Variants in RANBP9 observed in about 807,000 individuals in gnomAD.
RANBP9 encodes the protein RAN binding protein 9, also known as ran-binding protein 9.
In RANBP9, 15 loss-of-function variants were observed where a neutral mutation model predicts 84.3. The observed-to-expected ratio is 0.18, with a 90% CI of 0.12 to 0.27. RANBP9 has a LOEUF of 0.27. Among genes scored for constraint, RANBP9 ranks in the 10% least tolerant of loss-of-function variants. The pLI, the probability that RANBP9 is intolerant of heterozygous loss-of-function variation, is 1.00. For synonymous variants in RANBP9, 392 were observed against 349.6 expected (o/e 1.12, Z -1.35); for missense variants, 809 against 912.8 (o/e 0.89, Z 1.46).
chr6:13,669,890 G>C (rs776245471), intron 2 of RANBP9, among the ~76,000 whole-genome samples: 8 of 152,030 alleles, frequency 5.3e-5, no homozygotes, highest in Non-Finnish European at 1.2e-4. Context: ...CACAGCATCT[G>C]GTAGATGAAT....
In RANBP9 at chr6:13,711,382, T is replaced by C; in HGVS notation, c.124A>G (p.Ser42Gly). 1 of 1,169,888 alleles carries C rather than the reference T, an allele frequency of 8.5e-7. No individual in the cohort carries two copies. The highest frequency in any genetic ancestry group is 3.8e-5 in the East Asian group (1 of 26,060). The allele number at this position is 1,169,888 out of a possible 1,614,324, so 72.5% of individuals were successfully genotyped here. ...GAGCCGGCCGGAGAAGAGCCGGCGC[T>C]GACGGCCGGGGGCGCCGGCAGGACG... ...GVVLPAPPAV[S>G]AGSSPAGSPG... is the part of the protein sequence containing the mutation. Residue 42 changes from serine (S) to glycine (G), a missense_variant, in exon 1 of 14, where the codon AGC (serine) becomes GGC (glycine). Around this residue, in one of 5 missense-constraint regions of RANBP9, gnomAD observed 302 missense variants for 240.1 expected, o/e 1.26. Coordinates refer to ENST00000011619, the MANE Select transcript of RANBP9 (RefSeq NM_005493.3).
intron 5 of RANBP9, among the ~76,000 whole-genome samples, chr6:13,649,670 A>G (rs1268057144): frequency 6.6e-6 from 1 of 152,054 alleles, no homozygotes; most frequent in Non-Finnish European, 1.5e-5. Context: ...TGCGACACCG[A>G]CATTTTCATC....
chr6:13,671,024 T>C (rs1017708180), intron 2 of RANBP9, among the ~76,000 whole-genome samples: 2 of 152,132 alleles, frequency 1.3e-5, no homozygotes, highest in African/African-American at 2.4e-5. Context: ...AGGATCTGAA[T>C]AGACATTTCT....
chr6:13,623,721 T>C (rs1228043471), intron 13 of RANBP9, among the ~76,000 whole-genome samples: 1 of 152,176 alleles, frequency 6.6e-6, no homozygotes, highest in African/African-American at 2.4e-5. Context: ...TAGCATGGTA[T>C]TTATAAACAT....
At position 13,711,576 on chromosome 6, in the gene RANBP9, G is replaced by T; in HGVS notation, c.-71C>A. 2 of 1,218,868 alleles carry T rather than the reference G, an allele frequency of 1.6e-6. No homozygotes were observed. The allele number at this position is 1,218,868 out of a possible 1,614,324, so 75.5% of individuals were successfully genotyped here. A position where few individuals can be genotyped will look rare whatever the true frequency, so the allele number is the denominator to read the frequency against. ...TCCTCCTCTGCTTCCCGGGGGCGCT[G>T]TCGCTGCGGCCGCCGGCACCAGGCG... is the stretch of plus-strand genomic sequence containing the variant. On this transcript the variant is annotated 5_prime_UTR_variant, in exon 1 of 14. Transcript: ENST00000011619.
At chr6:13,660,544 G>C (rs763373860) in intron 2 of RANBP9, among the ~76,000 whole-genome samples, 9 of 151,942 alleles carry the variant, frequency 5.9e-5, no homozygotes, top group Non-Finnish European at 1.3e-4. Context: ...AAAAAAAGGA[G>C]GACAACCTTT....
chr6:13,689,147 ACT>A (rs1766266640), intron 2 of RANBP9, among the ~76,000 whole-genome samples: 1 of 151,928 alleles, frequency 6.6e-6, no homozygotes, highest in Non-Finnish European at 1.5e-5. Context: ...ACAGAGCAAG[ACT>A]CTGCTGCAAA....
intron 2 of RANBP9, among the ~76,000 whole-genome samples, chr6:13,690,969 C>G (rs191623095): frequency 6.6e-6 from 1 of 152,178 alleles, no homozygotes; most frequent in Non-Finnish European, 1.5e-5. Context: ...GAGTTCAAGA[C>G]CGGCCTGGCC....
intron 2 of RANBP9, among the ~76,000 whole-genome samples, chr6:13,669,581 A>G (rs1165397363): frequency 6.6e-6 from 1 of 152,146 alleles, no homozygotes; most frequent in Non-Finnish European, 1.5e-5. Flanking sequence ...ATTCACGATC[A>G]ATTAATTTTG....
At chr6:13,668,348 A>G (rs998310188) in intron 2 of RANBP9, among the ~76,000 whole-genome samples, 1 of 152,124 alleles carries the variant, frequency 6.6e-6, no homozygotes, top group African/African-American at 2.4e-5. Flanking sequence ...CAAAAAAGCT[A>G]GAAATACTTC....
At chr6:13,639,853 CA>C in intron 8 of RANBP9, 100 bp from the exon 9 acceptor site, 1 of 1,021,420 alleles carries the variant, frequency 9.8e-7, no homozygotes, top group South Asian at 1.7e-5. Flanking sequence ...TTTGATTTAT[CA>C]GTAGGATTGG....
chr6:13,636,785 ATTAC>A (rs1764949773), intron 10 of RANBP9, among the ~76,000 whole-genome samples: 1 of 152,164 alleles, frequency 6.6e-6, no homozygotes, highest in Non-Finnish European at 1.5e-5. Flanking sequence ...CACACACACT[ATTAC>A]TTCAGTAAAT....
intron 2 of RANBP9, among the ~76,000 whole-genome samples, chr6:13,662,147 CAA>C (rs1562309483): frequency 6.6e-6 from 1 of 152,002 alleles, no homozygotes; most frequent in Non-Finnish European, 1.5e-5. Flanking sequence ...CAGAAAATGA[CAA>C]AATATATCAC....
At chr6:13,702,530 G>A (rs927613217) in intron 1 of RANBP9, among the ~76,000 whole-genome samples, 5 of 151,918 alleles carry the variant, frequency 3.3e-5, no homozygotes, top group South Asian at 2.1e-4. Flanking sequence ...AATTTATGTC[G>A]CTTCAGTTTT....
At chr6:13,629,786 G>A (rs1055341187) in intron 12 of RANBP9, among the ~76,000 whole-genome samples, 2 of 152,138 alleles carry the variant, frequency 1.3e-5, no homozygotes, top group East Asian at 3.8e-4. Context: ...AACAGGAAAA[G>A]AGGAAAGAAG....
At position 13,625,771 on chromosome 6, in the gene RANBP9, A is replaced by G. The variant is rs771839656; in HGVS notation, c.1948-7T>C. On this transcript the variant is annotated splice_polypyrimidine_tract_variant and splice_region_variant and intron_variant, in intron 12 of 13. Transcript: ENST00000011619. The stretch of plus-strand genomic sequence containing the variant: ...CTAGTAGACTGAATGCATCCTGTTG[A>G]AAACACATCGATTTGGTTTTAATTC... 3.9e-6 allele frequency: 6 copies of G among 1,557,632 alleles called. No homozygotes were observed. The highest frequency in any genetic ancestry group is 5.3e-6 in the Non-Finnish European group (6 of 1,129,002).
In RANBP9 at chr6:13,680,577, C is replaced by CAAAAAT. The variant is rs553968347; in HGVS notation, c.683+16202_683+16207dup. ...GCAACACAATGGGACCCTGTCCCAA[C>CAAAAAT]AAAAATAAAAATAAAAATAAAAAAT... is the stretch of plus-strand genomic sequence containing the variant. On this transcript the variant is annotated intron_variant, in intron 2 of 13. Coordinates refer to ENST00000011619, the MANE Select transcript of RANBP9 (RefSeq NM_005493.3). Among the ~76,000 whole-genome samples the CAAAAAT allele has an allele frequency of 3.3e-3, 497 of 151,726 alleles. 2 individuals are homozygous for CAAAAAT. Among genetic ancestry groups the CAAAAAT allele is most frequent in the African/African-American group, 0.012 (478 of 41,336 alleles).
At chr6:13,653,022 T>C (rs1666593902) in intron 4 of RANBP9, among the ~76,000 whole-genome samples, 1 of 152,168 alleles carries the variant, frequency 6.6e-6, no homozygotes, top group Non-Finnish European at 1.5e-5. Flanking sequence ...AGTCAGTTTA[T>C]TTTTTAACCC....
At chr6:13,704,983 A>G (rs973820247) in intron 1 of RANBP9, among the ~76,000 whole-genome samples, 4 of 152,180 alleles carry the variant, frequency 2.6e-5, no homozygotes, top group African/African-American at 7.2e-5. Flanking sequence ...TCTGAATTCA[A>G]TGACAGTATC....
Sources: allele counts gnomAD v4.1 joint callset (sites outside exome capture counted in the v4.1 genomes callset), GRCh38; gene constraint gnomAD v4.1.1; regional missense constraint gnomAD v4.1.1; transcripts MANE v1.5; gene names NCBI Gene and HGNC (gene_info 2026-07-23, HGNC 2026-07-21).